The following TSHZ1 variants were observed in gnomAD, a reference collection of about 807,000 sequenced individuals.
TSHZ1 encodes the protein teashirt zinc finger homeobox 1.
In TSHZ1, 12 loss-of-function variants were observed where a neutral mutation model predicts 67.1. The ratio of observed to expected loss-of-function variants is 0.18; its 90% CI spans 0.11 to 0.29. The LOEUF (loss-of-function observed/expected upper bound fraction) is 0.29. Ranked by LOEUF, TSHZ1 falls within the 10% of genes least tolerant of loss-of-function variation. TSHZ1 has a pLI of 1.00. For synonymous variants in TSHZ1, 632 were observed against 622.4 expected, an observed-to-expected ratio of 1.02 and a Z score of -0.23; for missense variants, 1,305 against 1,413.9, an observed-to-expected ratio of 0.92 and a Z score of 1.23.
intron 1 of TSHZ1, among the ~76,000 whole-genome samples, chr18:75,248,445 A>T (rs2023251002): frequency 1.3e-5 from 2 of 152,226 alleles, no homozygotes; most frequent in Non-Finnish European, 2.9e-5. Context: ...TATTTCAGGC[A>T]TTACCTTGTG....
intron 1 of TSHZ1, among the ~76,000 whole-genome samples, chr18:75,256,814 G>C (rs974662253): frequency 8.5e-5 from 13 of 152,144 alleles, no homozygotes; most frequent in Non-Finnish European, 1.9e-4. Flanking sequence ...AAAACATCTC[G>C]ATGATGTGCA....
chr18:75,270,170 G>A (rs939064815), intron 1 of TSHZ1, among the ~76,000 whole-genome samples: 1 of 152,206 alleles, frequency 6.6e-6, no homozygotes. Context: ...CGGCTGTGGG[G>A]TGGACCATCT....
chr18:75,259,034 T>G (rs1162298251), intron 1 of TSHZ1, among the ~76,000 whole-genome samples: 1 of 152,210 alleles, frequency 6.6e-6, no homozygotes, highest in African/African-American at 2.4e-5. Context: ...CCTCCTCCCC[T>G]CAAGGTAACC....
intron 1 of TSHZ1, among the ~76,000 whole-genome samples, chr18:75,230,892 ATGGATTATAGAAGTAAGTGCCATCAG>A (rs2022989914): frequency 6.6e-6 from 1 of 152,224 alleles, no homozygotes; most frequent in South Asian, 2.1e-4. Context: ...GCTGCATGGG[ATGGATTATAGAAGTAAGTGCCATCAG>A]TGGATGGGAG....
chr18:75,280,937 C>A lies in TSHZ1; in HGVS notation c.41-4511C>A, dbSNP rs1189466234. 7.4e-6 allele frequency: 4 copies of A among 537,984 alleles called. No homozygotes were observed. The African/African-American group carries it at 8.3e-5, about 11-fold the overall frequency. 33.3% of individuals were successfully genotyped at this position (537,984 alleles called of 1,614,324 possible). ...GGAGGGCCCAGTAGCTCACACCAGG[C>A]AGAGAGTCGGGGAGGGCTGGCATCC... On this transcript the variant is annotated intron_variant, in intron 1 of 1. Transcript: ENST00000580243.
intron 1 of TSHZ1, among the ~76,000 whole-genome samples, chr18:75,239,630 A>G (rs779664221): frequency 2.6e-5 from 4 of 152,176 alleles, no homozygotes; most frequent in Non-Finnish European, 4.4e-5. Context: ...CCTCCCATGT[A>G]GCTGGGACCG....
At position 75,223,609 on chromosome 18, in the gene TSHZ1, T is replaced by C. The variant is rs1023126261; in HGVS notation, c.40+11693T>C. Among the ~76,000 whole-genome samples, 20 of 150,366 alleles carry C rather than the reference T, an allele frequency of 1.3e-4. No homozygotes were observed. The Admixed American group carries it at 1.3e-3, about 10-fold the overall frequency. ...ATATGGTTTTGTGGTTGGGGCTTTT[T>C]TGAAAGACAGATTCCTTAAAAAAAA... On this transcript the variant is annotated intron_variant, in intron 1 of 1. Coordinates refer to ENST00000580243, the MANE Select transcript of TSHZ1 (RefSeq NM_001308210.2).
chr18:75,232,212 C>CA (rs1555725927), intron 1 of TSHZ1, among the ~76,000 whole-genome samples: 2 of 152,076 alleles, frequency 1.3e-5, no homozygotes, highest in Non-Finnish European at 1.5e-5. Flanking sequence ...TGCGCCCGGA[C>CA]TTTTTTTTAG....
At position 75,288,976 on chromosome 18, in the gene TSHZ1, A is replaced by C; in HGVS notation, c.*335A>C. 5.1e-6 allele frequency: 1 copy of C among 197,764 alleles called. No homozygotes were observed. Among genetic ancestry groups the C allele is most frequent in the Non-Finnish European group, 1.1e-5 (1 of 89,082 alleles). 12.3% of individuals were successfully genotyped at this position (197,764 alleles called of 1,614,324 possible). On this transcript the variant is annotated 3_prime_UTR_variant, in exon 2 of 2. Coordinates refer to ENST00000580243, the MANE Select transcript of TSHZ1 (RefSeq NM_001308210.2). This position sits in a 1 kb window ranked among gnomAD's most constrained non-coding sequence, Gnocchi z 4.9. ...AACAATGATAAAAAGACATCCTAAAATGGTGAAGTTGCCATGACAATAAAG... is the reference window on the plus strand; with the variant it reads ...AACAATGATAAAAAGACATCCTAAACTGGTGAAGTTGCCATGACAATAAAG...
chr18:75,286,045 C>T lies in TSHZ1; in HGVS notation c.638C>T (p.Ser213Leu), dbSNP rs755263657. 81 of 1,613,200 alleles carry T rather than the reference C, an allele frequency of 5.0e-5. No individual in the cohort carries two copies. Among genetic ancestry groups the T allele is most frequent in the South Asian group, 6.6e-5 (6 of 90,966 alleles). ...ALAKTLQQTS[S>L]YGLLPEPSLF... ...GCCAAGACGCTGCAGCAGACGTCCT[C>T]GTATGGGCTGCTTCCTGAGCCCAGC... The change falls in exon 2 of 2, where the codon TCG (serine) becomes TTG (leucine). Residue 213 changes from serine (S) to leucine (L), a missense_variant. Coordinates refer to ENST00000580243, the MANE Select transcript of TSHZ1 (RefSeq NM_001308210.2). This position sits in a 1 kb window ranked among gnomAD's most constrained non-coding sequence, Gnocchi z 5.1.
At position 75,285,534 on chromosome 18, in the gene TSHZ1, A is replaced by G. The variant is rs78788703; in HGVS notation, c.127A>G (p.Ser43Gly). 8.3e-4 allele frequency: 1,295 copies of G among 1,557,516 alleles called. 14 individuals carry two copies. In the African/African-American group the frequency reaches 0.016, roughly 19 times the overall value. The change falls in exon 2 of 2, where the codon AGT becomes GGT. Residue 43 changes from serine to glycine, a missense_variant. Transcript: ENST00000580243. ...CGGGCTGTCTTTGGACATTCAGGAA[A>G]GTGAGTACATGTGCAATGAAGAGAC... ...DDGLSLDIQE[S>G]EYMCNEETEI...
Position 75,287,221 on chromosome 18 carries a change from A to G in TSHZ1, c.1814A>G (p.Tyr605Cys). The change falls in exon 2 of 2, where the codon TAT becomes TGT. Residue 605 changes from tyrosine to cysteine, a missense_variant. Tyr to Cys is a radical substitution (Grantham distance 194, BLOSUM62 -2). Coordinates refer to ENST00000580243, the MANE Select transcript of TSHZ1 (RefSeq NM_001308210.2). This position sits in a 1 kb window ranked among gnomAD's most constrained non-coding sequence, Gnocchi z 5.0. ...CAGAGCGTGCAGGTGCAGCCGTCCT[A>G]TGCTGGCGGCGTGAAGTCGCTGTCT... Reference protein sequence around the residue: ...AVQSVQVQPSYAGGVKSLSSA... With the variant: ...AVQSVQVQPSCAGGVKSLSSA... 6.2e-7 allele frequency: 1 copy of G among 1,613,834 alleles called. No individual in the cohort carries two copies. Among genetic ancestry groups the G allele is most frequent in the Non-Finnish European group, 8.5e-7 (1 of 1,179,978 alleles).
At position 75,211,912 on chromosome 18, in the gene TSHZ1, G is replaced by C. The variant is rs2022697985; in HGVS notation, c.36G>C (p.Ser12=). The change falls in exon 1 of 2, where the codon TCG becomes TCC. Residue 12 remains serine, a synonymous_variant. Coordinates refer to ENST00000580243, the MANE Select transcript of TSHZ1 (RefSeq NM_001308210.2). The part of the protein sequence containing the change: ...PRRKQQAPRR[S]AAYVPEEELK... ...GGAAGCAGCAGGCCCCCCGGCGCTC[G>C]GCAGGTAACGGGCGCGCGGCCCGCG... is the stretch of plus-strand genomic sequence containing the variant. 6 of 1,201,302 alleles carry C rather than the reference G, an allele frequency of 5.0e-6. No individual in the cohort carries two copies. Among genetic ancestry groups the C allele is most frequent in the South Asian group, 4.2e-5 (1 of 24,074 alleles). 74.4% of individuals were successfully genotyped at this position (1,201,302 alleles called of 1,614,324 possible). A position where few individuals can be genotyped will look rare whatever the true frequency, so the allele number is the denominator to read the frequency against.
intron 1 of TSHZ1, among the ~76,000 whole-genome samples, chr18:75,269,766 C>G (rs2023535428): frequency 1.3e-5 from 2 of 152,174 alleles, no homozygotes; most frequent in African/African-American, 4.8e-5. Flanking sequence ...TTCATCTTCT[C>G]AAACTAAACT....
chr18:75,250,408 C>T (rs544257736), intron 1 of TSHZ1, among the ~76,000 whole-genome samples: 3 of 152,346 alleles, frequency 2.0e-5, no homozygotes, highest in Admixed American at 1.3e-4. Context: ...GCTCTCCCTT[C>T]CGTCCCGCTC....
intron 1 of TSHZ1, among the ~76,000 whole-genome samples, chr18:75,216,569 C>T (rs971815083): frequency 6.6e-6 from 1 of 152,180 alleles, no homozygotes; most frequent in Non-Finnish European, 1.5e-5. Flanking sequence ...CTCCCTAAGA[C>T]TTATCATACC....
chr18:75,213,927 G>A (rs1183973466), intron 1 of TSHZ1, among the ~76,000 whole-genome samples: 23 of 152,084 alleles, frequency 1.5e-4, no homozygotes, highest in Admixed American at 1.5e-3. Context: ...AACTTGAGAG[G>A]GAAAAAACCC....
chr18:75,266,383 C>G (rs1362055099), intron 1 of TSHZ1, among the ~76,000 whole-genome samples: 1 of 152,142 alleles, frequency 6.6e-6, no homozygotes, highest in Non-Finnish European at 1.5e-5. Flanking sequence ...TCACAGAGTA[C>G]CCTTTCATTG....
Position 75,285,543 on chromosome 18 carries a change from A to G in TSHZ1, c.136A>G (p.Met46Val), listed in dbSNP as rs778320181. The G allele has an allele frequency of 1.3e-5, 20 of 1,574,536 alleles. No individual in the cohort carries two copies. Among genetic ancestry groups the G allele is most frequent in the South Asian group, 9.2e-5 (8 of 86,960 alleles). The change falls in exon 2 of 2, where the codon ATG (methionine) becomes GTG (valine). Residue 46 changes from methionine (M) to valine (V), a missense_variant. Met to Val is a conservative substitution (Grantham distance 21). This residue lies in a region of TSHZ1 where 358 missense variants were observed against 375.6 expected (regional missense o/e 0.95). Transcript: ENST00000580243. Reference protein sequence around the residue: ...LSLDIQESEYMCNEETEIKEA... With the variant: ...LSLDIQESEYVCNEETEIKEA... ...TTTGGACATTCAGGAAAGTGAGTAC[A>G]TGTGCAATGAAGAGACGGAGATCAA...
Sources: gnomAD v4.1 joint callset for allele counts (sites outside exome capture counted in the v4.1 genomes callset) on GRCh38, gnomAD v4.1.1 for gene constraint, gnomAD v4.1.1 regional missense constraint, Gnocchi (gnomAD v3.1) non-coding constraint, MANE v1.5 for transcripts, NCBI Gene and HGNC (gene_info 2026-07-23, HGNC 2026-07-21) for gene names.